ATCAY: variants seen among roughly 807,000 people sequenced by gnomAD.
ATCAY encodes the protein ATCAY kinesin light chain interacting caytaxin, also known as caytaxin.
In ATCAY, 22 loss-of-function variants were observed where a neutral mutation model predicts 47.7. That is an observed-to-expected ratio of 0.46 (90% CI 0.33 to 0.66). The LOEUF (loss-of-function observed/expected upper bound fraction) is 0.66, where lower values mean the gene tolerates loss of function less well. Ranked by LOEUF, ATCAY falls within the 30% of genes least tolerant of loss-of-function variation. The pLI is 0.02. For missense variants in ATCAY, 452 were observed against 515.0 expected, an observed-to-expected ratio of 0.88 and a Z score of 1.18; for synonymous variants, 216 against 207.6, an observed-to-expected ratio of 1.04 and a Z score of -0.35.
chr19:3,899,885 T>C (rs4998114), intron 2 of ATCAY, among the ~76,000 whole-genome samples: 47,062 of 152,030 alleles, frequency 0.31, 9,871 homozygotes, highest in African/African-American at 0.6. Flanking sequence ...AGAAGTGATC[T>C]GGGGCCGGGT....
intron 2 of ATCAY, among the ~76,000 whole-genome samples, chr19:3,887,042 C>T (rs1045852461): frequency 2.6e-5 from 4 of 152,058 alleles, no homozygotes; most frequent in Non-Finnish European, 4.4e-5. Flanking sequence ...CCACACGGAG[C>T]GCCACAAGAG....
In ATCAY at chr19:3,907,656, G is replaced by A; in HGVS notation, c.359-78G>A. On this transcript the variant is annotated intron_variant, in intron 4 of 12. Coordinates refer to ENST00000450849, the MANE Select transcript of ATCAY (RefSeq NM_033064.5). This position sits in a 1 kb window ranked among gnomAD's most constrained non-coding sequence, Gnocchi z 5.1. ...TCCCGGCAGCGAGGGAGGTGGGAGA[G>A]GGGAAGGAAGGCTGAGCAGGAGGGC... The A allele has an allele frequency of 1.3e-6, 2 of 1,550,024 alleles. No individual in the cohort carries two copies.
At chr19:3,916,756 G>A (rs2038969680) in intron 9 of ATCAY, among the ~76,000 whole-genome samples, 1 of 151,650 alleles carries the variant, frequency 6.6e-6, no homozygotes, top group Admixed American at 6.6e-5. Flanking sequence ...GGGATTACAG[G>A]CGTGAGCCAT....
At position 3,905,591 on chromosome 19, in the gene ATCAY, C is replaced by T. The variant is rs1203087843; in HGVS notation, c.294C>T (p.Ile98=). The change falls in exon 4 of 13, where the codon ATC becomes ATT. Residue 98 remains isoleucine, a synonymous_variant. Transcript: ENST00000450849. ...ACCTGGATATTAACGTGGATGACAT[C>T]GAGACCCCCGATGAGACCGACTCGC... ...PDDLDINVDD[I]ETPDETDSLE... is the part of the protein sequence containing the mutation. The T allele has an allele frequency of 1.9e-6, 3 of 1,613,712 alleles. No individual in the cohort carries two copies. The highest frequency in any genetic ancestry group is 2.5e-6 in the Non-Finnish European group (3 of 1,179,846).
intron 7 of ATCAY, among the ~76,000 whole-genome samples, chr19:3,910,426 C>A (rs1283961151): frequency 1.3e-5 from 2 of 152,262 alleles, no homozygotes; most frequent in East Asian, 3.9e-4. Context: ...TAAAATTGAG[C>A]CAGCCAATCC....
chr19:3,922,027 C>T (rs1484460153), intron 12 of ATCAY: 3 of 635,354 alleles, frequency 4.7e-6, no homozygotes, highest in South Asian at 1.8e-5. Flanking sequence ...CTTTATTTCT[C>T]CCAGCAGGGA....
chr19:3,909,458 G>A (rs760608619), intron 6 of ATCAY, 28 bp from the exon 7 acceptor site: 12 of 1,608,474 alleles, frequency 7.5e-6, no homozygotes, highest in African/African-American at 1.3e-5. Flanking sequence ...TCCATGTTGG[G>A]TCCCTGCCTT....
At chr19:3,894,624 G>GC (rs2038749444) in intron 2 of ATCAY, among the ~76,000 whole-genome samples, 4 of 76,548 alleles carry the variant, frequency 5.2e-5, no homozygotes, top group Non-Finnish European at 1.0e-4. Context: ...CCCTGTGTCT[G>GC]CAAAAAAAAA....
chr19:3,895,716 C>CT (rs537910730), intron 2 of ATCAY, among the ~76,000 whole-genome samples: 9,351 of 129,658 alleles, frequency 0.072, 397 homozygotes, highest in South Asian at 0.13. Context: ...CTTTTCTTTT[C>CT]TTTTTTTTTT....
chr19:3,885,315 A>G (rs1184187089), intron 1 of ATCAY, among the ~76,000 whole-genome samples: 1 of 151,860 alleles, frequency 6.6e-6, no homozygotes. Flanking sequence ...GCACTTTGGG[A>G]GGCCAAGGCA....
At chr19:3,893,403 C>T (rs968006228) in intron 2 of ATCAY, among the ~76,000 whole-genome samples, 1 of 152,032 alleles carries the variant, frequency 6.6e-6, no homozygotes, top group Admixed American at 6.6e-5. Context: ...TGGTCTTGAT[C>T]GCTTGACCTT....
At chr19:3,905,997 C>A (rs1382670072) in intron 4 of ATCAY, among the ~76,000 whole-genome samples, 1 of 151,814 alleles carries the variant, frequency 6.6e-6, no homozygotes, top group Admixed American at 6.6e-5. Flanking sequence ...ACAGTGAAAC[C>A]CCGTCTCTAC....
chr19:3,922,302 T>C (rs1242131500), intron 12 of ATCAY: 1 of 685,870 alleles, frequency 1.5e-6, no homozygotes, highest in Non-Finnish European at 2.6e-6. Context: ...AGAGGTTTAA[T>C]TGACTCACAG....
chr19:3,919,906 A>G (rs1259310949), intron 11 of ATCAY, among the ~76,000 whole-genome samples: 2 of 152,178 alleles, frequency 1.3e-5, no homozygotes, highest in Non-Finnish European at 2.9e-5. Context: ...GCTTCATTTT[A>G]TGTTAGTGAA....
intron 12 of ATCAY, among the ~76,000 whole-genome samples, chr19:3,923,968 GTGGATGGATGGA>G (rs58091636): frequency 0.029 from 3,557 of 124,798 alleles, 183 homozygotes; most frequent in African/African-American, 0.11. Flanking sequence ...GAGTGGGTGG[GTGGATGGATGGA>G]TGGATGGATG....
intron 2 of ATCAY, 114 bp from the exon 3 acceptor site, chr19:3,902,373 T>G (rs1051042255): frequency 6.5e-6 from 6 of 927,744 alleles, no homozygotes; most frequent in Non-Finnish European, 8.6e-6. Context: ...TAAATGTGTT[T>G]TGCTTTTGTT....
chr19:3,914,331 G>A (rs544930088), intron 9 of ATCAY, among the ~76,000 whole-genome samples: 2 of 150,974 alleles, frequency 1.3e-5, no homozygotes, highest in African/African-American at 2.4e-5. Flanking sequence ...CTCCCATGGC[G>A]GCAGAGAAGA....
rs922183351 is a variant in ATCAY at position 3,927,175 on chromosome 19, T to A, written c.*2583T>A. The A allele has an allele frequency of 6.6e-6, 1 of 152,042 alleles. No individual in the cohort carries two copies. The highest frequency in any genetic ancestry group is 2.4e-5 in the African/African-American group (1 of 41,370). 9.4% of individuals were successfully genotyped at this position (152,042 alleles called of 1,614,324 possible). On this transcript the variant is annotated 3_prime_UTR_variant, in exon 13 of 13. Coordinates refer to ENST00000450849, the MANE Select transcript of ATCAY (RefSeq NM_033064.5). ...GGCAGAGATTGCAGTCAGCCGAGAT[T>A]GCACCACTGCACTCCAGCCTGGGAG... is the stretch of plus-strand genomic sequence containing the variant.
intron 12 of ATCAY, among the ~76,000 whole-genome samples, chr19:3,921,113 C>A (rs1231137874): frequency 1.3e-5 from 2 of 152,102 alleles, no homozygotes; most frequent in Non-Finnish European, 1.5e-5. Context: ...CAGGGAAAAA[C>A]CCACACAGAG....
Sources: allele counts gnomAD v4.1 joint callset (sites outside exome capture counted in the v4.1 genomes callset), GRCh38; gene constraint gnomAD v4.1.1; non-coding constraint Gnocchi (gnomAD v3.1); transcripts MANE v1.5; gene names NCBI Gene and HGNC (gene_info 2026-07-23, HGNC 2026-07-21).